The following PRKDC variants were observed in gnomAD, a reference collection of about 807,000 sequenced individuals.
PRKDC encodes the protein protein kinase, DNA-activated, catalytic subunit, also known as DNA-dependent protein kinase catalytic subunit.
A neutral mutation model predicts 486.9 loss-of-function variants in PRKDC; 82 were observed. That is an observed-to-expected ratio of 0.17 (90% CI 0.14 to 0.20). PRKDC has a LOEUF of 0.20. Among genes scored for constraint, PRKDC ranks in the 10% least tolerant of loss-of-function variants. PRKDC has a pLI of 1.00. For synonymous variants in PRKDC, 1,895 were observed against 1,837.0 expected (o/e 1.03, Z -0.81); for missense variants, 4,504 against 5,038.2 (o/e 0.89, Z 3.21).
intron 21 of PRKDC, among the ~76,000 whole-genome samples, chr8:47,925,855 T>G (rs1390614529): frequency 6.6e-6 from 1 of 152,214 alleles, no homozygotes; most frequent in Non-Finnish European, 1.5e-5. Context: ...ATAGAACACA[T>G]GGAGTTCTTT....
intron 21 of PRKDC, chr8:47,926,700 T>C (rs1482069622): frequency 2.6e-5 from 4 of 152,354 alleles, no homozygotes; most frequent in Admixed American, 2.0e-4. Context: ...ATAATTTTTT[T>C]CTTTGACTCT....
chr8:47,830,624 G>T lies in PRKDC; in HGVS notation c.8378C>A (p.Pro2793Gln). ...IQIKHSSLITPLQAVAQRDPI... is the reference protein window; with the variant it reads ...IQIKHSSLITQLQAVAQRDPI... Reference sequence around the variant, plus strand: ...ACTGACCTGGGCCACGGCCTGTAACGGGGTGATGAGGCTGCTGTGCTTGAT... The same window carrying T: ...ACTGACCTGGGCCACGGCCTGTAACTGGGTGATGAGGCTGCTGTGCTTGAT... Residue 2793 changes from proline to glutamine, a missense_variant, in exon 61 of 86, where the codon CCG (proline) becomes CAG (glutamine). By Grantham distance (76) the Pro-to-Gln change is moderately conservative. Around this residue, in one of 6 missense-constraint regions of PRKDC, gnomAD observed 1,592 missense variants for 1,724.6 expected, o/e 0.92. Transcript: ENST00000314191. The T allele has an allele frequency of 1.9e-6, 3 of 1,613,876 alleles. No homozygotes were observed. Among genetic ancestry groups the T allele is most frequent in the Non-Finnish European group, 2.5e-6 (3 of 1,179,840 alleles).
At chr8:47,854,051 G>GT (rs769727584) in intron 51 of PRKDC, 32 bp downstream of exon 51, 1 of 1,610,958 alleles carries the variant, frequency 6.2e-7, no homozygotes, top group Non-Finnish European at 8.5e-7. Context: ...TTGGGTAGAC[G>GT]TGACCTAAAA....
Position 47,900,374 on chromosome 8 carries a change from T to A in PRKDC, c.3363A>T (p.Leu1121Phe). 1 of 1,604,498 alleles carries A rather than the reference T, an allele frequency of 6.2e-7. No individual in the cohort carries two copies. The change falls in exon 28 of 86, where the codon TTA becomes TTT. Residue 1121 changes from leucine (L) to phenylalanine (F), a missense_variant and splice_region_variant. Physicochemically the swap from Leu to Phe is conservative, Grantham distance 22 (BLOSUM62 0). Transcript: ENST00000314191. ...ACAGAACACTGAAGCAAAACGTACC[T>A]AAGGACTTCTCATCTGCATGTGCTA... The part of the protein sequence containing the change: ...LALAHADEKS[L>F]GTIQQCCDAI...
chr8:47,940,934 A>C (rs1203413082), intron 10 of PRKDC, among the ~76,000 whole-genome samples: 1 of 152,226 alleles, frequency 6.6e-6, no homozygotes, highest in African/African-American at 2.4e-5. Flanking sequence ...ACCTGAGGTC[A>C]GCCTGGCCAA....
At position 47,820,704 on chromosome 8, in the gene PRKDC, A is replaced by C; in HGVS notation, c.9336+15T>G. 1 of 1,304,346 alleles carries C rather than the reference A, an allele frequency of 7.7e-7. No individual in the cohort carries two copies. Among genetic ancestry groups the C allele is most frequent in the Non-Finnish European group, 1.0e-6 (1 of 957,248 alleles). 80.8% of individuals were successfully genotyped at this position (1,304,346 alleles called of 1,614,324 possible). A position where few individuals can be genotyped will look rare whatever the true frequency, so the allele number is the denominator to read the frequency against. ...TATATATATACAAGCATATATATAT[A>C]ATATATAGTATTACCTGCATAAAAC... On this transcript the variant is annotated intron_variant, in intron 66 of 85. Coordinates refer to ENST00000314191, the MANE Select transcript of PRKDC (RefSeq NM_006904.7).
In PRKDC at chr8:47,881,416, C is replaced by A; in HGVS notation, c.5067G>T (p.Lys1689Asn). ...LADTKLDLHL[K>N]GQAVTLLPFF... ...AAAAAATAAATATTTCACTGTTTAC[C>A]TTTAAATGTAGATCCAGCTTTGTGT... The change falls in exon 38 of 86, where the codon AAG (lysine) becomes AAT (asparagine). Residue 1689 changes from lysine (K) to asparagine (N), a missense_variant and splice_region_variant. This residue lies in a region of PRKDC where 1,969 missense variants were observed against 2,068.9 expected (regional missense o/e 0.95). Transcript: ENST00000314191. The A allele has an allele frequency of 6.7e-7, 1 of 1,487,304 alleles. No homozygotes were observed. The highest frequency in any genetic ancestry group is 1.2e-5 in the South Asian group (1 of 84,546). 92.1% of individuals were successfully genotyped at this position (1,487,304 alleles called of 1,614,324 possible).
chr8:47,923,065 TC>T (rs2090098555), intron 21 of PRKDC, among the ~76,000 whole-genome samples: 1 of 151,654 alleles, frequency 6.6e-6, no homozygotes, highest in Admixed American at 6.6e-5. Context: ...GAGAAGTCAT[TC>T]TTTTTTTTTT....
In PRKDC at chr8:47,918,351, G is replaced by A. The variant is rs757882531; in HGVS notation, c.2452C>T (p.Leu818Phe). The change falls in exon 22 of 86, where the codon CTT becomes TTT. Residue 818 changes from leucine to phenylalanine, a missense_variant. This residue lies in a region of PRKDC where 1,969 missense variants were observed against 2,068.9 expected (regional missense o/e 0.95). Coordinates refer to ENST00000314191, the MANE Select transcript of PRKDC (RefSeq NM_006904.7). Reference sequence around the variant, plus strand: ...AATCCTTTCTGGGCAGCCCGAGAAAGAGCTGACACTTCCCAGTTATTCTTG... The same window carrying A: ...AATCCTTTCTGGGCAGCCCGAGAAAAAGCTGACACTTCCCAGTTATTCTTG... ...ETKNNWEVSA[L>F]SRAAQKGFNK... 3 of 1,592,044 alleles carry A rather than the reference G, an allele frequency of 1.9e-6. No homozygotes were observed. The highest frequency in any genetic ancestry group is 2.2e-5 in the East Asian group (1 of 44,558).
At chr8:47,922,967 T>G (rs972933745) in intron 21 of PRKDC, among the ~76,000 whole-genome samples, 2 of 152,140 alleles carry the variant, frequency 1.3e-5, no homozygotes, top group East Asian at 3.8e-4. Flanking sequence ...AAAGATAGTA[T>G]GAGATGAGTT....
chr8:47,817,587 A>G, intron 67 of PRKDC, 26 bp from the exon 68 acceptor site: 2 of 1,359,784 alleles, frequency 1.5e-6, no homozygotes, highest in Non-Finnish European at 2.1e-6. Context: ...GAGGGTGACT[A>G]TACACACAGC....
intron 60 of PRKDC, among the ~76,000 whole-genome samples, chr8:47,831,452 T>C (rs1286561754): frequency 1.3e-5 from 2 of 152,164 alleles, no homozygotes; most frequent in Non-Finnish European, 2.9e-5. Context: ...TGGCCACCTG[T>C]CCTCGGGGCA....
At chr8:47,929,389 A>G (rs1381911575) in intron 18 of PRKDC, among the ~76,000 whole-genome samples, 1 of 152,250 alleles carries the variant, frequency 6.6e-6, no homozygotes, top group Admixed American at 6.5e-5. Context: ...TGAGAAGCCA[A>G]GCACACAGCT....
At chr8:47,854,830 C>T (rs910058132) in intron 50 of PRKDC, among the ~76,000 whole-genome samples, 2 of 152,178 alleles carry the variant, frequency 1.3e-5, no homozygotes, top group Non-Finnish European at 2.9e-5. Context: ...GCAATTTTAT[C>T]GCCCTCGTAT....
At chr8:47,934,193 C>T in intron 14 of PRKDC, 103 bp from the exon 15 acceptor site, 1 of 1,301,262 alleles carries the variant, frequency 7.7e-7, no homozygotes, top group South Asian at 1.6e-5. Flanking sequence ...TAAACTGCCA[C>T]CCATAGGAGA....
At chr8:47,896,251 T>A (rs957927547) in intron 30 of PRKDC, among the ~76,000 whole-genome samples, 1 of 151,930 alleles carries the variant, frequency 6.6e-6, no homozygotes, top group Non-Finnish European at 1.5e-5. Flanking sequence ...TTATAATATA[T>A]CCTATAGTAT....
intron 68 of PRKDC, among the ~76,000 whole-genome samples, chr8:47,815,955 A>G (rs946368623): frequency 6.6e-6 from 1 of 152,218 alleles, no homozygotes; most frequent in African/African-American, 2.4e-5. Context: ...AATGCCTGTA[A>G]TCCCATTACT....
At chr8:47,869,160 T>A (rs1315823469) in intron 40 of PRKDC, among the ~76,000 whole-genome samples, 1 of 151,970 alleles carries the variant, frequency 6.6e-6, no homozygotes, top group South Asian at 2.1e-4. Context: ...CAAGTGGACT[T>A]GGGGGGCACA....
chr8:47,795,454 G>A (rs1432339609), intron 73 of PRKDC, among the ~76,000 whole-genome samples: 2 of 150,968 alleles, frequency 1.3e-5, no homozygotes, highest in Non-Finnish European at 2.9e-5. Flanking sequence ...CTCCCAAAGG[G>A]CTGGGATTAC....
Sources: gnomAD v4.1 joint callset for allele counts (sites outside exome capture counted in the v4.1 genomes callset) on GRCh38, gnomAD v4.1.1 for gene constraint, gnomAD v4.1.1 regional missense constraint, MANE v1.5 for transcripts, NCBI Gene and HGNC (gene_info 2026-07-23, HGNC 2026-07-21) for gene names.